The following PMM2 variants were observed in gnomAD, a reference collection of about 807,000 sequenced individuals.
The protein encoded by PMM2 is phosphomannomutase 2, also known as mannose-6-phosphate isomerase.
PMM2 carries 35 observed loss-of-function variants against 33.2 expected under a neutral mutation model. The ratio of observed to expected loss-of-function variants is 1.06; its 90% CI spans 0.81 to 1.40. The LOEUF (loss-of-function observed/expected upper bound fraction) is 1.40. PMM2 is among the 40% of genes most tolerant of loss of function. The pLI, the probability that PMM2 is intolerant of heterozygous loss-of-function variation, is 0.00. For missense variants in PMM2, 386 were observed against 306.0 expected (o/e 1.26, Z -1.95); for synonymous variants, 153 against 114.7 (o/e 1.33, Z -2.13).
Position 8,811,098 on chromosome 16 carries a change from C to T in PMM2, c.367C>T (p.Arg123Ter), listed in dbSNP as rs191295403. The change falls in exon 5 of 8, where the codon CGA (arginine) becomes TGA (stop). Residue 123 changes from arginine to a stop codon, truncating the protein, a stop_gained. Transcript: ENST00000268261. LOFTEE classifies it high-confidence loss of function. ...PKKRGTFIEF[R>*]NGMLNVSPIG... is the part of the protein sequence containing the mutation. ...TCCCAGGGGTACTTTCATTGAATTC[C>T]GAAATGGGATGTTAAACGTGTCCCC... 3.7e-5 allele frequency: 58 copies of T among 1,570,296 alleles called. No homozygotes were observed. The highest frequency in any genetic ancestry group is 1.1e-4 in the Admixed American group (6 of 55,564).
At chr16:8,839,174 T>A (rs1300783453) in intron 7 of PMM2, among the ~76,000 whole-genome samples, 5 of 151,916 alleles carry the variant, frequency 3.3e-5, no homozygotes, top group Admixed American at 3.3e-4. Context: ...GTCGGTGTCA[T>A]GAGGGGAACA....
intron 7 of PMM2, among the ~76,000 whole-genome samples, chr16:8,838,468 G>A (rs1029606507): frequency 1.1e-4 from 16 of 152,008 alleles, no homozygotes; most frequent in East Asian, 3.9e-4. Context: ...GAAAATTTTT[G>A]GGGGGTGGTA....
At chr16:8,815,000 G>T (rs13332985) in intron 7 of PMM2, among the ~76,000 whole-genome samples, 1 of 151,612 alleles carries the variant, frequency 6.6e-6, no homozygotes, top group African/African-American at 2.4e-5. Context: ...CTCCTCCACC[G>T]CCCCGTCCCT....
chr16:8,830,702 C>G (rs2060804612), intron 7 of PMM2, among the ~76,000 whole-genome samples: 1 of 152,222 alleles, frequency 6.6e-6, no homozygotes, highest in African/African-American at 2.4e-5. Context: ...TGGGGAGGTT[C>G]AGACTCTTGC....
chr16:8,827,671 C>T lies in PMM2; in HGVS notation c.639+14565C>T, dbSNP rs1176517797. On this transcript the variant is annotated intron_variant, in intron 7 of 7. Coordinates refer to ENST00000268261, the MANE Select transcript of PMM2 (RefSeq NM_000303.3). Reference sequence around the variant, plus strand: ...TCAGCCTCTCAAAGTGCTGGGATTACAGGCATGAGCCACTGCACCCAGCCC... The same window carrying T: ...TCAGCCTCTCAAAGTGCTGGGATTATAGGCATGAGCCACTGCACCCAGCCC... Among the ~76,000 whole-genome samples the T allele has an allele frequency of 3.6e-5, 5 of 138,870 alleles. No homozygotes were observed. In the Admixed American group the frequency reaches 3.8e-4, roughly 11 times the overall value. 91.1% of individuals were successfully genotyped at this position (138,870 alleles called of 152,430 possible).
At chr16:8,826,384 A>C (rs1377643024) in intron 7 of PMM2, among the ~76,000 whole-genome samples, 3 of 152,190 alleles carry the variant, frequency 2.0e-5, no homozygotes, top group Admixed American at 2.0e-4. Context: ...CTGCAGATAA[A>C]GTCTGACTCT....
intron 7 of PMM2, among the ~76,000 whole-genome samples, chr16:8,828,698 C>G (rs1021760956): frequency 1.3e-5 from 2 of 152,168 alleles, no homozygotes; most frequent in Non-Finnish European, 2.9e-5. Flanking sequence ...TTGGAACTGA[C>G]CAGTCTGCCA....
rs529280366 is a variant in PMM2, at chr16:8,834,755, G to A, written c.640-12969G>A. ...TAGCCTGCCTTTGCTGCTATGTGGC[G>A]ATTAGGCCTGGTGGAACCGCCATCA... is the stretch of plus-strand genomic sequence containing the variant. On this transcript the variant is annotated intron_variant, in intron 7 of 7. Transcript: ENST00000268261. Among the ~76,000 whole-genome samples, 32 of 152,234 alleles carry A rather than the reference G, an allele frequency of 2.1e-4. No homozygotes were observed. In the South Asian group the frequency reaches 4.6e-3, roughly 22 times the overall value.
intron 7 of PMM2, among the ~76,000 whole-genome samples, chr16:8,813,950 T>C (rs930244640): frequency 1.4e-5 from 2 of 139,478 alleles, no homozygotes; most frequent in African/African-American, 5.4e-5. Context: ...CACTGCAACC[T>C]CTGCCTCCCA....
intron 7 of PMM2, among the ~76,000 whole-genome samples, chr16:8,838,467 T>TG (rs1470308521): frequency 1.3e-5 from 2 of 151,806 alleles, no homozygotes; most frequent in African/African-American, 4.8e-5. Context: ...TGAAAATTTT[T>TG]GGGGGGTGGT....
chr16:8,817,503 C>T (rs1363197278), intron 7 of PMM2, among the ~76,000 whole-genome samples: 3 of 152,176 alleles, frequency 2.0e-5, no homozygotes, highest in Non-Finnish European at 4.4e-5. Context: ...CATTTAGAAG[C>T]CTCAGTTGGG....
rs546804870 is a variant in PMM2 at position 8,828,874 on chromosome 16, G to A, written c.639+15768G>A. 5.9e-5 allele frequency among the ~76,000 whole-genome samples: 9 copies of A among 152,316 alleles called. No individual in the cohort carries two copies. The East Asian group carries it at 1.3e-3, about 23-fold the overall frequency. On this transcript the variant is annotated intron_variant, in intron 7 of 7. Coordinates refer to ENST00000268261, the MANE Select transcript of PMM2 (RefSeq NM_000303.3). The stretch of plus-strand genomic sequence containing the variant: ...AGTAGGTGTTCTAGAAAGGTGTGTC[G>A]TATTAATGTGTGAATACTGACTCCC...
In PMM2 at chr16:8,831,893, G is replaced by A. The variant is rs573903411; in HGVS notation, c.640-15831G>A. The stretch of plus-strand genomic sequence containing the variant: ...GTGCCTGTCAGGTACACTATAATGA[G>A]AAATTGGATCGTTCATTCTTCCCTC... On this transcript the variant is annotated intron_variant, in intron 7 of 7. Coordinates refer to ENST00000268261, the MANE Select transcript of PMM2 (RefSeq NM_000303.3). Among the ~76,000 whole-genome samples, 5 of 152,314 alleles carry A rather than the reference G, an allele frequency of 3.3e-5. No individual in the cohort carries two copies. The East Asian group carries it at 9.6e-4, about 29-fold the overall frequency.
chr16:8,832,500 C>G (rs2060816673), intron 7 of PMM2: 1 of 985,450 alleles, frequency 1.0e-6, no homozygotes, highest in East Asian at 1.1e-4. Flanking sequence ...CGTTAGGCCT[C>G]TGTCCCTGCA....
chr16:8,818,496 ATT>A (rs1217158346), intron 7 of PMM2, among the ~76,000 whole-genome samples: 1 of 152,224 alleles, frequency 6.6e-6, no homozygotes, highest in Non-Finnish European at 1.5e-5. Flanking sequence ...AGTGATAGAC[ATT>A]TAGAAAGCTG....
intron 7 of PMM2, among the ~76,000 whole-genome samples, chr16:8,835,873 T>TC (rs2060842474): frequency 6.6e-6 from 1 of 151,324 alleles, no homozygotes; most frequent in Non-Finnish European, 1.5e-5. Context: ...TGGGTTAAGG[T>TC]TGGGGGATAC....
intron 7 of PMM2, among the ~76,000 whole-genome samples, chr16:8,836,568 T>A (rs1204466596): frequency 6.6e-6 from 1 of 151,864 alleles, no homozygotes; most frequent in Non-Finnish European, 1.5e-5. Flanking sequence ...GTGGCTGGGG[T>A]TTGTCTCACA....
intron 1 of PMM2, among the ~76,000 whole-genome samples, chr16:8,798,566 C>G (rs1291481141): frequency 1.3e-5 from 2 of 152,186 alleles, no homozygotes; most frequent in African/African-American, 2.4e-5. Flanking sequence ...GCCACCTCCA[C>G]CACACCCATC....
chr16:8,839,833 G>A (rs185305851), intron 7 of PMM2, among the ~76,000 whole-genome samples: 143 of 150,408 alleles, frequency 9.5e-4, no homozygotes, highest in Non-Finnish European at 1.6e-3. Flanking sequence ...GCGGCCACAG[G>A]CATAGTAGTT....
Sources: gnomAD v4.1 joint callset for allele counts (sites outside exome capture counted in the v4.1 genomes callset) on GRCh38, gnomAD v4.1.1 for gene constraint, MANE v1.5 for transcripts, NCBI Gene and HGNC (gene_info 2026-07-23, HGNC 2026-07-21) for gene names.